The following EEIG2 variants were observed in gnomAD, a reference collection of about 807,000 sequenced individuals.
EEIG2 encodes the protein EEIG family member 2.
the EEIG2 span, among the ~76,000 whole-genome samples, chr1:108,605,292 A>G: frequency 2.0e-5 from 3 of 152,166 alleles, no homozygotes; most frequent in African/African-American, 7.2e-5. Flanking sequence ...TGAAAATGTG[A>G]TCACTCATAA....
At chr1:108,612,238 T>C in the EEIG2 span, 1 of 1,613,854 alleles carries the variant, frequency 6.2e-7, no homozygotes. Flanking sequence ...CACTCGCCGC[T>C]GTTTACTGGA....
the EEIG2 span, chr1:108,560,366 TCGGCCAAGCTGAGGCGGCGGCGCC>T: frequency 1.4e-6 from 2 of 1,422,868 alleles, no homozygotes; most frequent in Non-Finnish European, 1.9e-6. Context: ...GATCCGGGGC[TCGGCCAAGCTGAGGCGGCGGCGCC>T]CGGCCGTGCG....
chr1:108,613,876 C>T, the EEIG2 span, among the ~76,000 whole-genome samples: 3 of 152,056 alleles, frequency 2.0e-5, no homozygotes, highest in Non-Finnish European at 4.4e-5. Context: ...TTCTCGGTTC[C>T]TTAAACTCCC....
the EEIG2 span, among the ~76,000 whole-genome samples, chr1:108,571,190 C>T: frequency 6.6e-6 from 1 of 152,080 alleles, no homozygotes; most frequent in Admixed American, 6.6e-5. Flanking sequence ...CCAGACATCA[C>T]GTGCCTCAAG....
At chr1:108,630,970 C>T in the EEIG2 span, 4 of 187,378 alleles carry the variant, frequency 2.1e-5, no homozygotes, top group South Asian at 7.9e-5. Context: ...CAGCACATTA[C>T]AAGGCTCAAA....
At chr1:108,618,100 T>A in the EEIG2 span, among the ~76,000 whole-genome samples, 1 of 152,024 alleles carries the variant, frequency 6.6e-6, no homozygotes, top group Non-Finnish European at 1.5e-5. Flanking sequence ...GTAGGGCAGG[T>A]TTTATTCATT....
chr1:108,583,475 A>C, the EEIG2 span, among the ~76,000 whole-genome samples: 1 of 151,762 alleles, frequency 6.6e-6, no homozygotes, highest in Non-Finnish European at 1.5e-5. Flanking sequence ...TGAACATTGT[A>C]ATATAAGCAT....
At chr1:108,634,512 G>T in the EEIG2 span, among the ~76,000 whole-genome samples, 1 of 152,168 alleles carries the variant, frequency 6.6e-6, no homozygotes, top group Non-Finnish European at 1.5e-5. Context: ...GACAAATTGG[G>T]AAATGGGTAC....
At chr1:108,572,496 T>A in the EEIG2 span, among the ~76,000 whole-genome samples, 1 of 152,190 alleles carries the variant, frequency 6.6e-6, no homozygotes, top group Non-Finnish European at 1.5e-5. Flanking sequence ...GGCAAGTATC[T>A]AATAACATGT....
the EEIG2 span, among the ~76,000 whole-genome samples, chr1:108,632,227 C>G: frequency 2.0e-5 from 3 of 151,450 alleles, no homozygotes; most frequent in South Asian, 6.2e-4. Flanking sequence ...AGTCCAAATC[C>G]CATTGTACTT....
the EEIG2 span, among the ~76,000 whole-genome samples, chr1:108,571,871 A>C: frequency 6.6e-6 from 1 of 152,128 alleles, no homozygotes; most frequent in Admixed American, 6.5e-5. Context: ...ATTTCAGAGG[A>C]TGAACTATTC....
chr1:108,579,772 T>TGTGTGTGTGA, the EEIG2 span, among the ~76,000 whole-genome samples: 4 of 58,822 alleles, frequency 6.8e-5, no homozygotes, highest in African/African-American at 2.6e-4. Context: ...TGTGTGTGTG[T>TGTGTGTGTGA]GAGAGAGAGA....
the EEIG2 span, chr1:108,625,535 G>A: frequency 6.6e-5 from 10 of 152,246 alleles, no homozygotes; most frequent in African/African-American, 1.7e-4. Flanking sequence ...GAAATTTCCT[G>A]TTTTGGGATC....
At chr1:108,636,078 A>G in the EEIG2 span, 1 of 152,250 alleles carries the variant, frequency 6.6e-6, no homozygotes, top group Non-Finnish European at 1.5e-5. Context: ...GGTGGGTAGC[A>G]GCATGACAGC....
the EEIG2 span, among the ~76,000 whole-genome samples, chr1:108,633,380 C>T: frequency 2.6e-5 from 4 of 152,208 alleles, no homozygotes; most frequent in African/African-American, 9.7e-5. Flanking sequence ...CCTCCAATTC[C>T]TGCACTCAAG....
At chr1:108,572,679 G>A in the EEIG2 span, among the ~76,000 whole-genome samples, 28 of 152,062 alleles carry the variant, frequency 1.8e-4, no homozygotes, top group African/African-American at 6.8e-4. Flanking sequence ...GCAATGGTGC[G>A]ATCTCGGCTC....
the EEIG2 span, among the ~76,000 whole-genome samples, chr1:108,632,695 A>G: frequency 6.6e-6 from 1 of 152,310 alleles, no homozygotes; most frequent in East Asian, 1.9e-4. Flanking sequence ...AGGAATAACC[A>G]TGCCTATCTC....
chr1:108,633,969 G>T, the EEIG2 span, among the ~76,000 whole-genome samples: 2 of 152,140 alleles, frequency 1.3e-5, no homozygotes, highest in East Asian at 3.9e-4. Context: ...AACTGCTTCA[G>T]GCAGCTAGCT....
the EEIG2 span, chr1:108,628,248 A>G: frequency 1.2e-6 from 2 of 1,614,212 alleles, no homozygotes; most frequent in Non-Finnish European, 1.7e-6. Flanking sequence ...GCAAGTCAGC[A>G]GTCAAAAGTA....
Sources: gnomAD v4.1 joint callset for allele counts (sites outside exome capture counted in the v4.1 genomes callset) on GRCh38, gnomAD v4.1.1 for gene constraint, MANE v1.5 for transcripts, NCBI Gene and HGNC (gene_info 2026-07-23, HGNC 2026-07-21) for gene names.